TC2N: variants seen among roughly 807,000 people sequenced by gnomAD.
The protein encoded by TC2N is tandem C2 domains nuclear protein.
TC2N carries 51 observed loss-of-function variants against 61.9 expected under a neutral mutation model. The observed-to-expected ratio is 0.82, with a 90% CI of 0.66 to 1.04. The LOEUF (loss-of-function observed/expected upper bound fraction) is 1.04. TC2N is among the 50% of genes least tolerant of loss of function. TC2N has a pLI of 0.00. For synonymous variants in TC2N, 204 were observed against 192.6 expected (o/e 1.06, Z -0.49); for missense variants, 556 against 566.7 (o/e 0.98, Z 0.19).
At chr14:91,820,721 G>C (rs1887208406) in intron 1 of TC2N, among the ~76,000 whole-genome samples, 1 of 149,744 alleles carries the variant, frequency 6.7e-6, no homozygotes. Context: ...AAAAATCTAA[G>C]AAATTCACTA....
chr14:91,800,899 CTTT>C (rs771525120), intron 4 of TC2N, among the ~76,000 whole-genome samples: 16 of 151,650 alleles, frequency 1.1e-4, no homozygotes, highest in Non-Finnish European at 1.9e-4. Context: ...AGCATTTCTT[CTTT>C]ATTTTCAGTA....
Position 91,811,160 on chromosome 14 carries a change from A to G in TC2N, c.301+1152T>C, listed in dbSNP as rs1048059596. 2.0e-5 allele frequency among the ~76,000 whole-genome samples: 3 copies of G among 152,266 alleles called. No individual in the cohort carries two copies. The East Asian group carries it at 5.8e-4, about 29-fold the overall frequency. Reference sequence around the variant, plus strand: ...AAACTGTAAAGAGATCGTTGAACCCAGTAAATGATATATATGTTTAAGTGT... The same window carrying G: ...AAACTGTAAAGAGATCGTTGAACCCGGTAAATGATATATATGTTTAAGTGT... On this transcript the variant is annotated intron_variant, in intron 3 of 11. Coordinates refer to ENST00000435962, the MANE Select transcript of TC2N (RefSeq NM_001128596.3).
chr14:91,798,928 G>T, intron 6 of TC2N, 61 bp downstream of exon 6: 2 of 1,102,502 alleles, frequency 1.8e-6, no homozygotes, highest in African/African-American at 1.6e-5. Context: ...ACACTTTCAA[G>T]TTACTACTGA....
intron 3 of TC2N, among the ~76,000 whole-genome samples, chr14:91,803,980 T>C (rs1595237551): frequency 6.6e-6 from 1 of 152,112 alleles, no homozygotes; most frequent in African/African-American, 2.4e-5. Flanking sequence ...AAAGGGCTCA[T>C]ATCCAGAATA....
chr14:91,838,697 A>C (rs1486937917), intron 1 of TC2N, among the ~76,000 whole-genome samples: 1 of 152,264 alleles, frequency 6.6e-6, no homozygotes, highest in Non-Finnish European at 1.5e-5. Context: ...CTGATGCAGA[A>C]GTACCAAGAG....
chr14:91,854,291 A>G (rs1888434469), intron 1 of TC2N, among the ~76,000 whole-genome samples: 1 of 152,024 alleles, frequency 6.6e-6, no homozygotes, highest in South Asian at 2.1e-4. Flanking sequence ...TTTCCTATAG[A>G]AACTGGAAGG....
intron 5 of TC2N, among the ~76,000 whole-genome samples, 185 bp from the exon 6 acceptor site, chr14:91,799,249 A>G (rs1886093318): frequency 6.6e-6 from 1 of 151,950 alleles, no homozygotes; most frequent in Non-Finnish European, 1.5e-5. Context: ...TTTGTTAGGA[A>G]TATCTTAAAT....
chr14:91,791,413 A>G (rs1417454504), intron 9 of TC2N, among the ~76,000 whole-genome samples: 1 of 152,298 alleles, frequency 6.6e-6, no homozygotes, highest in South Asian at 2.1e-4. Flanking sequence ...CAAATTTAAA[A>G]CCGCATATAG....
chr14:91,793,458 G>A (rs1885754437), intron 8 of TC2N, among the ~76,000 whole-genome samples: 1 of 152,128 alleles, frequency 6.6e-6, no homozygotes, highest in Admixed American at 6.5e-5. Flanking sequence ...TTTAAAAATT[G>A]AAGGTTCGTG....
rs998375599 is a variant in TC2N at position 91,812,481 on chromosome 14, A to G, written c.132T>C (p.Pro44=). Reference sequence around the variant, plus strand: ...GCTTTACAGAAACAGAAGTCAATGGAGGTACAGAGATAGTAGCATTTTGAC... The same window carrying G: ...GCTTTACAGAAACAGAAGTCAATGGGGGTACAGAGATAGTAGCATTTTGAC... ...PNSQNATISV[P]PLTSVSVKPQ... Residue 44 remains proline, a synonymous_variant, in exon 3 of 12, where the codon CCT becomes CCC. Coordinates refer to ENST00000435962, the MANE Select transcript of TC2N (RefSeq NM_001128596.3). The G allele has an allele frequency of 6.2e-7, 1 of 1,612,052 alleles. No homozygotes were observed. Among genetic ancestry groups the G allele is most frequent in the Admixed American group, 1.7e-5 (1 of 59,918 alleles).
intron 9 of TC2N, among the ~76,000 whole-genome samples, chr14:91,790,878 C>G (rs1281059448): frequency 6.6e-6 from 1 of 151,908 alleles, no homozygotes; most frequent in Non-Finnish European, 1.5e-5. Context: ...TGCCTGCAAT[C>G]CCAGCAAATT....
chr14:91,800,955 C>CACACACACATATGTATACATATATAT (rs1886205378), intron 4 of TC2N, among the ~76,000 whole-genome samples: 1 of 88,184 alleles, frequency 1.1e-5, no homozygotes, highest in Admixed American at 1.3e-4. Flanking sequence ...TATATATATA[C>CACACACACATATGTATACATATATAT]ACACACACAT....
rs542795720 is a variant in TC2N, at chr14:91,794,708, C to G, written c.856-2150G>C. On this transcript the variant is annotated intron_variant, in intron 8 of 11. Transcript: ENST00000435962. Reference sequence around the variant, plus strand: ...ATTATTTCTCATTGACAATGCACTTCGTCACCCAAGAGCCCTGACAGAGAT... The same window carrying G: ...ATTATTTCTCATTGACAATGCACTTGGTCACCCAAGAGCCCTGACAGAGAT... Among the ~76,000 whole-genome samples the G allele has an allele frequency of 3.9e-5, 6 of 152,144 alleles. No homozygotes were observed. The South Asian group carries it at 1.2e-3, about 32-fold the overall frequency.
At position 91,780,455 on chromosome 14, in the gene TC2N, TA is replaced by T. The variant is rs138559289; in HGVS notation, c.*2644del. The T allele has an allele frequency of 6.6e-6, 1 of 152,356 alleles. No individual in the cohort carries two copies. The highest frequency in any genetic ancestry group is 2.4e-5 in the African/African-American group (1 of 41,584). 9.4% of individuals were successfully genotyped at this position (152,356 alleles called of 1,614,324 possible). A position where few individuals can be genotyped will look rare whatever the true frequency, so the allele number is the denominator to read the frequency against. ...CAGTCTTGGTAAGAGATGAAACTGATATACTTCAGAGGCCATTTCCCTAGGA... is the reference window on the plus strand; with the variant it reads ...CAGTCTTGGTAAGAGATGAAACTGATTACTTCAGAGGCCATTTCCCTAGGA... On this transcript the variant is annotated 3_prime_UTR_variant, in exon 12 of 12. Coordinates refer to ENST00000435962, the MANE Select transcript of TC2N (RefSeq NM_001128596.3).
intron 1 of TC2N, among the ~76,000 whole-genome samples, chr14:91,822,196 A>C (rs149331432): frequency 1.3e-5 from 2 of 152,214 alleles, no homozygotes; most frequent in African/African-American, 2.4e-5. Context: ...AGAGTTGTAC[A>C]CTGGTGTTCA....
chr14:91,852,363 G>A (rs548499651), intron 1 of TC2N, among the ~76,000 whole-genome samples: 20 of 152,096 alleles, frequency 1.3e-4, no homozygotes, highest in Non-Finnish European at 2.5e-4. Flanking sequence ...CCCAGGAGGC[G>A]GAGGTTGCGG....
At chr14:91,787,065 C>T (rs1160894025) in intron 10 of TC2N, among the ~76,000 whole-genome samples, 1 of 152,228 alleles carries the variant, frequency 6.6e-6, no homozygotes, top group South Asian at 2.1e-4. Context: ...ACTAGACAAC[C>T]AAAGTATCAC....
At chr14:91,807,831 G>C (rs535662601) in intron 3 of TC2N, among the ~76,000 whole-genome samples, 5 of 152,096 alleles carry the variant, frequency 3.3e-5, no homozygotes, top group Non-Finnish European at 7.4e-5. Flanking sequence ...GGGGCAGAAT[G>C]GTATGGTTTG....
intron 1 of TC2N, among the ~76,000 whole-genome samples, chr14:91,825,719 T>C (rs1456043563): frequency 6.6e-6 from 1 of 152,214 alleles, no homozygotes; most frequent in Non-Finnish European, 1.5e-5. Context: ...GAAAGATTTG[T>C]CTGTATTAGA....
Sources: allele counts gnomAD v4.1 joint callset (sites outside exome capture counted in the v4.1 genomes callset), GRCh38; gene constraint gnomAD v4.1.1; transcripts MANE v1.5; gene names NCBI Gene and HGNC (gene_info 2026-07-23, HGNC 2026-07-21).